Variants in POFUT3 observed in about 807,000 individuals in gnomAD.
The protein encoded by POFUT3 is protein O-fucosyltransferase 3, also known as GDP-fucose protein O-fucosyltransferase 3.
At chr8:33,356,017 C>T in the POFUT3 span, among the ~76,000 whole-genome samples, 1 of 152,056 alleles carries the variant, frequency 6.6e-6, no homozygotes, top group South Asian at 2.1e-4. Flanking sequence ...TTTTTTATGG[C>T]TGCATAGTAT....
the POFUT3 span, among the ~76,000 whole-genome samples, chr8:33,467,588 G>A: frequency 6.6e-6 from 1 of 152,146 alleles, no homozygotes; most frequent in Non-Finnish European, 1.5e-5. Context: ...CTTCTAAAGT[G>A]CATTGCACGG....
chr8:33,438,026 A>C, the POFUT3 span, among the ~76,000 whole-genome samples: 2 of 152,204 alleles, frequency 1.3e-5, no homozygotes, highest in Non-Finnish European at 2.9e-5. Context: ...AATTACCTTA[A>C]GGATTAAATA....
chr8:33,408,621 T>C, the POFUT3 span, among the ~76,000 whole-genome samples: 1 of 152,120 alleles, frequency 6.6e-6, no homozygotes, highest in Non-Finnish European at 1.5e-5. Context: ...AGGCTGGAAA[T>C]CTCTTGATTT....
the POFUT3 span, among the ~76,000 whole-genome samples, chr8:33,312,167 CAGG>C: frequency 2.0e-5 from 3 of 151,836 alleles, no homozygotes; most frequent in South Asian, 6.2e-4. Context: ...GAGGCTGAGG[CAGG>C]AGAATTGTTT....
At chr8:33,338,778 A>G in the POFUT3 span, 5 of 152,204 alleles carry the variant, frequency 3.3e-5, no homozygotes, top group Non-Finnish European at 5.9e-5. Context: ...ATTGGCAGAA[A>G]TGATGCAGTA....
the POFUT3 span, among the ~76,000 whole-genome samples, chr8:33,470,009 G>A: frequency 2.7e-5 from 4 of 150,914 alleles, no homozygotes; most frequent in Non-Finnish European, 4.4e-5. Context: ...TGGTCAGAAT[G>A]GTCTTAACCT....
chr8:33,410,220 C>T, the POFUT3 span, among the ~76,000 whole-genome samples: 1 of 152,102 alleles, frequency 6.6e-6, no homozygotes. Context: ...AGGGAGGGGA[C>T]CAGAGGACCC....
the POFUT3 span, among the ~76,000 whole-genome samples, chr8:33,404,477 C>T: frequency 2.4e-4 from 36 of 152,036 alleles, no homozygotes; most frequent in African/African-American, 4.8e-5. Context: ...CATACCACAA[C>T]GTGGAAAGAC....
the POFUT3 span, among the ~76,000 whole-genome samples, chr8:33,359,110 T>A: frequency 3.2e-4 from 49 of 152,300 alleles, 1 homozygote; most frequent in African/African-American, 1.0e-3. Flanking sequence ...TTACAATGGC[T>A]GCAACTTACT....
At chr8:33,443,228 C>G in the POFUT3 span, among the ~76,000 whole-genome samples, 1 of 152,200 alleles carries the variant, frequency 6.6e-6, no homozygotes, top group Non-Finnish European at 1.5e-5. Flanking sequence ...TTTATTACCA[C>G]CTTTCTGCGT....
the POFUT3 span, among the ~76,000 whole-genome samples, chr8:33,469,037 G>A: frequency 1.4e-3 from 209 of 152,292 alleles, 3 homozygotes; most frequent in Admixed American, 1.6e-3. Flanking sequence ...CGGATGCAGT[G>A]GTGCATGCCT....
At chr8:33,463,059 G>C in the POFUT3 span, among the ~76,000 whole-genome samples, 4 of 152,152 alleles carry the variant, frequency 2.6e-5, no homozygotes, top group African/African-American at 9.7e-5. Flanking sequence ...CAACTTTCCA[G>C]AGGAAGGGCA....
the POFUT3 span, among the ~76,000 whole-genome samples, chr8:33,366,044 G>C: frequency 6.6e-6 from 1 of 152,112 alleles, no homozygotes; most frequent in African/African-American, 2.4e-5. Flanking sequence ...AAGAAACTGT[G>C]GCACCGTATA....
At chr8:33,430,372 G>A in the POFUT3 span, among the ~76,000 whole-genome samples, 4 of 152,138 alleles carry the variant, frequency 2.6e-5, no homozygotes, top group Non-Finnish European at 5.9e-5. Context: ...GGAAACCTGG[G>A]AATTTAGAGT....
the POFUT3 span, among the ~76,000 whole-genome samples, chr8:33,438,363 A>C: frequency 6.6e-6 from 1 of 152,184 alleles, no homozygotes. Context: ...GGATCGTTTG[A>C]GCCCAGGAGT....
chr8:33,309,203 C>T, the POFUT3 span, among the ~76,000 whole-genome samples: 1,329 of 100,842 alleles, frequency 0.013, 61 homozygotes, highest in African/African-American at 0.052. Context: ...TATATATACA[C>T]ACACATATTT....
chr8:33,428,551 C>T, the POFUT3 span, among the ~76,000 whole-genome samples: 178 of 152,258 alleles, frequency 1.2e-3, 3 homozygotes, highest in African/African-American at 4.1e-3. Context: ...AGAAGAAGAA[C>T]TTTCCCCCAA....
chr8:33,416,628 T>C, the POFUT3 span, among the ~76,000 whole-genome samples: 1 of 151,892 alleles, frequency 6.6e-6, no homozygotes, highest in Admixed American at 6.6e-5. Context: ...GGAGGATCAC[T>C]TGAGGTCAGG....
At chr8:33,430,182 T>C in the POFUT3 span, among the ~76,000 whole-genome samples, 104 of 100,556 alleles carry the variant, frequency 1.0e-3, no homozygotes, top group African/African-American at 3.7e-3. Context: ...ATGTCATTAT[T>C]ACCCTTGAAA....
Sources: allele counts gnomAD v4.1 joint callset (sites outside exome capture counted in the v4.1 genomes callset), GRCh38; gene constraint gnomAD v4.1.1; transcripts MANE v1.5; gene names NCBI Gene and HGNC (gene_info 2026-07-23, HGNC 2026-07-21).